Variants in IGSF5 observed in about 807,000 individuals in gnomAD.
IGSF5 encodes the protein immunoglobulin superfamily 5 like.
IGSF5 carries 41 observed loss-of-function variants against 39.4 expected under a neutral mutation model. That is an observed-to-expected ratio of 1.04 (90% CI 0.81 to 1.35). The LOEUF (loss-of-function observed/expected upper bound fraction) is 1.35. IGSF5 is among the 40% of genes most tolerant of loss of function. The pLI is 0.00. For missense variants in IGSF5, 487 were observed against 494.6 expected (o/e 0.98, Z 0.15); for synonymous variants, 183 against 175.3 (o/e 1.04, Z -0.34).
intron 2 of IGSF5, among the ~76,000 whole-genome samples, chr21:39,759,694 A>G (rs1452113822): frequency 6.6e-6 from 1 of 151,818 alleles, no homozygotes; most frequent in Admixed American, 6.6e-5. Flanking sequence ...GCGAAACCCT[A>G]TCTCTACTAA....
At position 39,766,394 on chromosome 21, in the gene IGSF5, C is replaced by T. The variant is rs1254570121; in HGVS notation, c.418+542C>T. ...TTAGAGACAGTTGTCAATCACTGCC[C>T]TTTCTCTAGTTTTTCCATATACATG... On this transcript the variant is annotated intron_variant, in intron 3 of 8. Transcript: ENST00000380588. Among the ~76,000 whole-genome samples the T allele has an allele frequency of 2.0e-5, 3 of 152,246 alleles. No homozygotes were observed. In the East Asian group the frequency reaches 5.8e-4, roughly 29 times the overall value.
intron 3 of IGSF5, among the ~76,000 whole-genome samples, chr21:39,766,689 G>C (rs2080089084): frequency 6.6e-6 from 1 of 152,088 alleles, no homozygotes; most frequent in Non-Finnish European, 1.5e-5. Context: ...AAAGTAAAAG[G>C]ATGCTTTACA....
In IGSF5 at chr21:39,786,037, A is replaced by G. The variant is rs2086917271; in HGVS notation, c.935-2130A>G. ...AAACCTAGGCATTACCATTCAGAAC[A>G]TAGGCATGGGCAAGGACTTCATGTC... On this transcript the variant is annotated intron_variant, in intron 5 of 8. Coordinates refer to ENST00000380588, the MANE Select transcript of IGSF5 (RefSeq NM_001080444.2). Among the ~76,000 whole-genome samples the G allele has an allele frequency of 2.6e-5, 4 of 152,216 alleles. No individual in the cohort carries two copies. In the South Asian group the frequency reaches 8.3e-4, roughly 32 times the overall value.
the IGSF5 span, among the ~76,000 whole-genome samples, chr21:39,731,260 C>G: frequency 1.3e-5 from 2 of 152,230 alleles, no homozygotes; most frequent in Admixed American, 1.3e-4. Flanking sequence ...GCACACTTCT[C>G]TGTTGAGAGG....
chr21:39,715,052 T>C, the IGSF5 span, among the ~76,000 whole-genome samples: 4 of 70,324 alleles, frequency 5.7e-5, no homozygotes, highest in Non-Finnish European at 1.2e-4. Context: ...CCTTTCCTTT[T>C]CTTTCTTTCG....
At chr21:39,800,203 ATCC>A (rs2087021009) in intron 8 of IGSF5, among the ~76,000 whole-genome samples, 1 of 152,158 alleles carries the variant, frequency 6.6e-6, no homozygotes, top group African/African-American at 2.4e-5. Context: ...AAAACAAAGA[ATCC>A]TCCTTTTCCT....
rs138452287 is a variant in IGSF5, at chr21:39,762,083, G to C, written c.101-3452G>C. Among the ~76,000 whole-genome samples, 246 of 152,332 alleles carry C rather than the reference G, an allele frequency of 1.6e-3. 1 individual carries two copies. Among genetic ancestry groups the C allele is most frequent in the Middle Eastern group, 6.8e-3 (2 of 294 alleles). Reference sequence around the variant, plus strand: ...GAGATGTGGATTTGAGAACTGGAGAGAGTTGGCATAAATAAGAATCTTCCA... The same window carrying C: ...GAGATGTGGATTTGAGAACTGGAGACAGTTGGCATAAATAAGAATCTTCCA... On this transcript the variant is annotated intron_variant, in intron 2 of 8. Coordinates refer to ENST00000380588, the MANE Select transcript of IGSF5 (RefSeq NM_001080444.2).
upstream of IGSF5, among the ~76,000 whole-genome samples, chr21:39,743,283 C>T (rs1009248937): frequency 3.9e-5 from 6 of 152,200 alleles, no homozygotes; most frequent in Non-Finnish European, 7.3e-5. Context: ...GCCAAACTCT[C>T]AGGCTGCAGT....
At chr21:39,793,672 T>A in intron 8 of IGSF5, 59 bp downstream of exon 8, 1 of 1,320,868 alleles carries the variant, frequency 7.6e-7, no homozygotes, top group Non-Finnish European at 1.1e-6. Flanking sequence ...AATTCTTACC[T>A]TGTTGTGGGT....
intron 2 of IGSF5, among the ~76,000 whole-genome samples, chr21:39,755,325 G>T (rs2146273660): frequency 6.6e-6 from 1 of 152,282 alleles, no homozygotes; most frequent in African/African-American, 2.4e-5. Context: ...GGTGGCTCAT[G>T]CCTGTAATCC....
At chr21:39,734,730 A>T in the IGSF5 span, among the ~76,000 whole-genome samples, 1 of 152,172 alleles carries the variant, frequency 6.6e-6, no homozygotes, top group Non-Finnish European at 1.5e-5. Flanking sequence ...CGTCTGTGGG[A>T]AGCTACTTGT....
At chr21:39,770,118 T>C (rs2080106697) in intron 3 of IGSF5, among the ~76,000 whole-genome samples, 1 of 152,216 alleles carries the variant, frequency 6.6e-6, no homozygotes, top group African/African-American at 2.4e-5. Context: ...AGTTTCAGCA[T>C]GTTTTTCTTG....
chr21:39,715,225 C>T, the IGSF5 span, among the ~76,000 whole-genome samples: 4 of 152,152 alleles, frequency 2.6e-5, no homozygotes, highest in African/African-American at 9.7e-5. Flanking sequence ...TCAGGTGATC[C>T]TCCTGCCTCA....
rs60669244 is a variant in IGSF5, at chr21:39,748,301, C to CTTTTTTTTTTTTTTT, written c.100+2016_100+2030dup. Among the ~76,000 whole-genome samples the CTTTTTTTTTTTTTTT allele has an allele frequency of 1.3e-3, 74 of 58,240 alleles. 17 individuals are homozygous for CTTTTTTTTTTTTTTT. The highest frequency in any genetic ancestry group is 1.4e-3 in the Non-Finnish European group (45 of 33,004). 38.2% of individuals were successfully genotyped at this position (58,240 alleles called of 152,430 possible). A position where few individuals can be genotyped will look rare whatever the true frequency, so the allele number is the denominator to read the frequency against. ...TGTGCAAGTGAAGAGAAAACAAGAT[C>CTTTTTTTTTTTTTTT]TTTTTTTTTTTTTTTTTTTTTTTTT... On this transcript the variant is annotated intron_variant, in intron 2 of 8. Transcript: ENST00000380588.
chr21:39,770,843 A>AAAAAAAAAAAG, intron 3 of IGSF5, 73 bp from the exon 4 acceptor site: 3 of 913,860 alleles, frequency 3.3e-6, no homozygotes, highest in Non-Finnish European at 2.9e-6. Flanking sequence ...AAAAAAAAAG[A>AAAAAAAAAAAG]AAAAAAAAAA....
intron 2 of IGSF5, among the ~76,000 whole-genome samples, chr21:39,757,322 C>G (rs943264291): frequency 6.6e-6 from 1 of 151,202 alleles, no homozygotes; most frequent in African/African-American, 2.4e-5. Context: ...AGTTTTTTCT[C>G]AGTGATTAGT....
chr21:39,790,635 G>A (rs1481081806), intron 6 of IGSF5, among the ~76,000 whole-genome samples: 1 of 152,142 alleles, frequency 6.6e-6, no homozygotes, highest in African/African-American at 2.4e-5. Flanking sequence ...TCCAACCTGG[G>A]TGACAGAGTG....
intron 2 of IGSF5, among the ~76,000 whole-genome samples, chr21:39,757,184 A>T (rs1569249188): frequency 6.6e-6 from 1 of 152,024 alleles, no homozygotes; most frequent in Non-Finnish European, 1.5e-5. Flanking sequence ...ACCCTGTTTG[A>T]AGTGGTAGCT....
intron 1 of IGSF5, among the ~76,000 whole-genome samples, chr21:39,745,825 C>G (rs1285766015): frequency 2.0e-5 from 3 of 152,084 alleles, no homozygotes; most frequent in Admixed American, 1.3e-4. Context: ...TCCTCCACCT[C>G]TAAGGAAGGC....
Sources: gnomAD v4.1 joint callset for allele counts (sites outside exome capture counted in the v4.1 genomes callset) on GRCh38, gnomAD v4.1.1 for gene constraint, MANE v1.5 for transcripts, NCBI Gene and HGNC (gene_info 2026-07-23, HGNC 2026-07-21) for gene names.